SGCD: variants seen among roughly 807,000 people sequenced by gnomAD.
The protein encoded by SGCD is sarcoglycan delta.
Under a neutral mutation model 36.6 loss-of-function variants are expected in SGCD, and 18 were observed. The ratio of observed to expected loss-of-function variants is 0.49; its 90% CI spans 0.34 to 0.73. The LOEUF is 0.73. Among genes scored for constraint, SGCD ranks in the 30% least tolerant of loss-of-function variants. The probability of loss-of-function intolerance (pLI) is 0.01; values close to 1 mark genes in which losing one functional copy is unlikely to be tolerated. For missense variants in SGCD, 387 were observed against 346.7 expected (o/e 1.12, Z -0.92); for synonymous variants, 133 against 130.6 (o/e 1.02, Z -0.12).
chr5:155,833,302 C>T, the SGCD span, among the ~76,000 whole-genome samples: 1 of 151,782 alleles, frequency 6.6e-6, no homozygotes. Context: ...GTGCTTATTT[C>T]TATAGACAAA....
chr5:156,030,755 TTGAGAG>T (rs1367640461), intron 1 of SGCD, among the ~76,000 whole-genome samples: 1 of 152,050 alleles, frequency 6.6e-6, no homozygotes, highest in Non-Finnish European at 1.5e-5. Context: ...GCCCTGGGTC[TTGAGAG>T]TGAGCAGGGT....
the SGCD span, among the ~76,000 whole-genome samples, chr5:155,787,612 T>C: frequency 6.6e-6 from 1 of 152,168 alleles, no homozygotes; most frequent in Non-Finnish European, 1.5e-5. Flanking sequence ...TTCTTCCAGT[T>C]GCTACTTTAG....
the SGCD span, among the ~76,000 whole-genome samples, chr5:155,735,220 T>C: frequency 6.6e-6 from 1 of 152,204 alleles, no homozygotes; most frequent in African/African-American, 2.4e-5. Flanking sequence ...GTTCTTCACA[T>C]AGGCATGTAA....
chr5:156,500,049 A>G (rs1756378112), intron 3 of SGCD, among the ~76,000 whole-genome samples: 1 of 152,202 alleles, frequency 6.6e-6, no homozygotes. Context: ...TTATATGTAA[A>G]CATATTTAGG....
chr5:156,545,317 T>C (rs190245403), intron 4 of SGCD, among the ~76,000 whole-genome samples: 1 of 152,244 alleles, frequency 6.6e-6, no homozygotes, highest in East Asian at 1.9e-4. Context: ...GTCTGGAGCC[T>C]CAGATTTCTA....
chr5:156,434,994 C>G (rs1377712394), intron 3 of SGCD, among the ~76,000 whole-genome samples: 1 of 152,148 alleles, frequency 6.6e-6, no homozygotes, highest in African/African-American at 2.4e-5. Flanking sequence ...TACACTTAAG[C>G]GTGTCATGTG....
intron 3 of SGCD, among the ~76,000 whole-genome samples, chr5:156,204,900 G>A (rs1764237665): frequency 6.6e-6 from 1 of 152,076 alleles, no homozygotes; most frequent in Non-Finnish European, 1.5e-5. Flanking sequence ...AATGAGTAAT[G>A]TAGGAATACA....
At chr5:156,736,433 A>G (rs1227461970) in intron 7 of SGCD, among the ~76,000 whole-genome samples, 2 of 152,330 alleles carry the variant, frequency 1.3e-5, no homozygotes, top group Middle Eastern at 3.4e-3. Context: ...GGGATATTGT[A>G]TATGGTACAA....
rs185367946 is a variant in SGCD at position 156,643,983 on chromosome 5, A to G, written c.503-3481A>G. ...TGATTTTTAGTTCATATTCATTAAT[A>G]CAAAAGCACTAATCATAATTATATC... On this transcript the variant is annotated intron_variant, in intron 6 of 8. Transcript: ENST00000337851. Among the ~76,000 whole-genome samples, 364 of 152,302 alleles carry G rather than the reference A, an allele frequency of 2.4e-3. 1 individual carries two copies. The highest frequency in any genetic ancestry group is 8.3e-3 in the African/African-American group (346 of 41,572).
chr5:156,125,309 G>C (rs889444848), intron 3 of SGCD, among the ~76,000 whole-genome samples: 6 of 152,154 alleles, frequency 3.9e-5, no homozygotes, highest in Admixed American at 3.3e-4. Context: ...TAGAAGGGTG[G>C]AGCTGTTGAA....
intron 7 of SGCD, among the ~76,000 whole-genome samples, chr5:156,712,139 C>T (rs930581273): frequency 6.6e-6 from 1 of 152,198 alleles, no homozygotes; most frequent in Non-Finnish European, 1.5e-5. Context: ...TTTGTGACCT[C>T]TATCTTGTGC....
rs1016322139 is a variant in SGCD, at chr5:155,952,061, C to T, written c.-282+81637C>T. Among the ~76,000 whole-genome samples the T allele has an allele frequency of 3.9e-5, 6 of 152,080 alleles. No homozygotes were observed. The South Asian group carries it at 1.0e-3, about 26-fold the overall frequency. ...TCCTAAAGTTAATCTTTTCTTGTCTCCTTGATGGTAAAGAAAGAATAAACA... is the reference window on the plus strand; with the variant it reads ...TCCTAAAGTTAATCTTTTCTTGTCTTCTTGATGGTAAAGAAAGAATAAACA... On this transcript the variant is annotated intron_variant, in intron 1 of 9. Coordinates refer to the SGCD transcript ENST00000517913.
chr5:156,519,825 T>TA (rs549756142), intron 4 of SGCD, among the ~76,000 whole-genome samples: 123 of 152,254 alleles, frequency 8.1e-4, no homozygotes, highest in African/African-American at 2.8e-3. Flanking sequence ...TCCTTCCCGT[T>TA]AAAAAACTCC....
chr5:155,823,577 G>A, the SGCD span, among the ~76,000 whole-genome samples: 1 of 151,876 alleles, frequency 6.6e-6, no homozygotes, highest in Admixed American at 6.6e-5. Flanking sequence ...TGCAAAGTTG[G>A]GAATCCGCCC....
At chr5:156,470,611 G>A (rs1166034687) in intron 3 of SGCD, among the ~76,000 whole-genome samples, 4 of 150,864 alleles carry the variant, frequency 2.7e-5, no homozygotes, top group Admixed American at 6.6e-5. Flanking sequence ...TTTTGTCCTT[G>A]CGATAGTTTA....
chr5:156,595,479 G>A (rs1333914500), intron 6 of SGCD, among the ~76,000 whole-genome samples: 1 of 152,194 alleles, frequency 6.6e-6, no homozygotes, highest in Non-Finnish European at 1.5e-5. Flanking sequence ...GACAAATGGT[G>A]TCTAGAAGAG....
intron 4 of SGCD, among the ~76,000 whole-genome samples, chr5:156,557,366 A>C (rs1391426286): frequency 5.3e-5 from 8 of 152,170 alleles, no homozygotes; most frequent in Non-Finnish European, 2.9e-5. Flanking sequence ...GGATTTGTAC[A>C]ACAACAAGTA....
chr5:156,298,576 C>CTTTTTTTTTTTTTTTT (rs924228753), intron 3 of SGCD, among the ~76,000 whole-genome samples: 2 of 110,520 alleles, frequency 1.8e-5, no homozygotes, highest in African/African-American at 7.5e-5. Context: ...TTTTTCTTTT[C>CTTTTTTTTTTTTTTTT]TTTTTTTTTT....
chr5:155,896,357 T>C (rs1194235275), intron 1 of SGCD, among the ~76,000 whole-genome samples: 1 of 151,924 alleles, frequency 6.6e-6, no homozygotes. Flanking sequence ...TCCCAGCACT[T>C]TGGGAGGCTG....
Sources: gnomAD v4.1 joint callset for allele counts (sites outside exome capture counted in the v4.1 genomes callset) on GRCh38, gnomAD v4.1.1 for gene constraint, MANE v1.5 for transcripts, NCBI Gene and HGNC (gene_info 2026-07-23, HGNC 2026-07-21) for gene names.